Variants in MYLK observed in about 807,000 individuals in gnomAD.
MYLK encodes myosin light chain kinase.
A neutral mutation model predicts 203.4 loss-of-function variants in MYLK; 106 were observed. The ratio of observed to expected loss-of-function variants is 0.52; its 90% CI spans 0.45 to 0.61. The LOEUF (loss-of-function observed/expected upper bound fraction) is 0.61, where lower values mean the gene tolerates loss of function less well. MYLK is among the 20% of genes least tolerant of loss of function. MYLK has a pLI of 0.00. For missense variants in MYLK, 2,072 were observed against 2,442.3 expected (o/e 0.85, Z 3.20); for synonymous variants, 867 against 959.5 (o/e 0.90, Z 1.78).
chr3:123,852,929 A>G (rs369787433), intron 2 of MYLK, among the ~76,000 whole-genome samples: 2 of 152,276 alleles, frequency 1.3e-5, no homozygotes. Flanking sequence ...CCCATATTTG[A>G]CAACCTTTGA....
chr3:123,682,152 A>G, intron 20 of MYLK, 72 bp downstream of exon 20: 1 of 1,217,398 alleles, frequency 8.2e-7, no homozygotes, highest in South Asian at 1.3e-5. Context: ...GGGGGCTCTG[A>G]GGCTGCCCTC....
intron 3 of MYLK, among the ~76,000 whole-genome samples, chr3:123,822,322 A>C (rs2065965019): frequency 6.6e-6 from 1 of 152,158 alleles, no homozygotes; most frequent in African/African-American, 2.4e-5. Flanking sequence ...ACTCCTCATC[A>C]ATACAGAGAA....
At chr3:123,831,295 A>G in intron 3 of MYLK, 2 of 1,099,970 alleles carry the variant, frequency 1.8e-6, no homozygotes, top group Admixed American at 4.8e-5. Context: ...TTTCCTGGCT[A>G]GTTCCAATGA....
chr3:123,713,765 G>A (rs1366066562), intron 13 of MYLK, among the ~76,000 whole-genome samples: 13 of 152,068 alleles, frequency 8.5e-5, no homozygotes, highest in African/African-American at 1.4e-4. Context: ...TTCTTAACTC[G>A]TGGCCCTGGC....
Position 123,700,816 on chromosome 3 carries a change from C to T in MYLK, c.2652G>A (p.Glu884=), listed in dbSNP as rs1314650520. Residue 884 remains glutamate, a synonymous_variant, in exon 18 of 34, where the codon GAG becomes GAA. Transcript: ENST00000360304. ...KRRVETRQHT[E]EAIRQQEVEQ... ...CCACCTCCTGCTGGCGGATCGCCTC[C>T]TCAGTGTGCTGCCTCGTCTCCACGC... 3.8e-5 allele frequency: 62 copies of T among 1,614,066 alleles called. No individual in the cohort carries two copies. Among genetic ancestry groups the T allele is most frequent in the Admixed American group, 5.0e-5 (3 of 60,002 alleles).
intron 6 of MYLK, 130 bp from the exon 7 acceptor site, chr3:123,739,192 T>C (rs2062780384): frequency 9.6e-7 from 1 of 1,043,056 alleles, no homozygotes; most frequent in African/African-American, 1.6e-5. Flanking sequence ...ATTTTATGCC[T>C]CAGAAACTTT....
intron 31 of MYLK, chr3:123,622,085 G>A (rs2057898143): frequency 2.6e-5 from 4 of 152,248 alleles, no homozygotes; most frequent in Admixed American, 2.6e-4. Flanking sequence ...CCTGCCCTCA[G>A]GAACAGGTAA....
At chr3:123,680,468 T>A (rs185478144) in intron 20 of MYLK, among the ~76,000 whole-genome samples, 106 of 152,334 alleles carry the variant, frequency 7.0e-4, no homozygotes, top group Admixed American at 2.0e-3. Context: ...ATAGCACAGG[T>A]CCAAGGAATA....
chr3:123,863,822 T>C (rs1407900432), intron 2 of MYLK, among the ~76,000 whole-genome samples: 1 of 152,176 alleles, frequency 6.6e-6, no homozygotes, highest in Non-Finnish European at 1.5e-5. Flanking sequence ...TAGACTCATC[T>C]TATGACCTAG....
rs2057316837 is a variant in MYLK at position 123,613,849 on chromosome 3, G to T, written c.*256C>A. On this transcript the variant is annotated 3_prime_UTR_variant, in exon 34 of 34. Transcript: ENST00000360304. Reference sequence around the variant, plus strand: ...CTTTCTCTCTAAAATCAATTGGTCAGTCAAGTTACTGGTGATTTCCCTAAA... The same window carrying T: ...CTTTCTCTCTAAAATCAATTGGTCATTCAAGTTACTGGTGATTTCCCTAAA... 1 of 505,578 alleles carries T rather than the reference G, an allele frequency of 2.0e-6. No individual in the cohort carries two copies. Among genetic ancestry groups the T allele is most frequent in the South Asian group, 2.1e-5 (1 of 46,944 alleles). The allele number at this position is 505,578 out of a possible 1,614,324, so 31.3% of individuals were successfully genotyped here.
intron 4 of MYLK, among the ~76,000 whole-genome samples, chr3:123,774,319 G>A (rs879757200): frequency 6.6e-6 from 1 of 152,158 alleles, no homozygotes; most frequent in African/African-American, 2.4e-5. Context: ...TGCAGGGTCA[G>A]TGGAGACTGC....
At chr3:123,784,556 A>G (rs2064434916) in intron 4 of MYLK, among the ~76,000 whole-genome samples, 1 of 151,934 alleles carries the variant, frequency 6.6e-6, no homozygotes, top group African/African-American at 2.4e-5. Context: ...CTACCTTACC[A>G]TTCACCATCC....
At chr3:123,832,633 G>A (rs114767138) in intron 2 of MYLK, among the ~76,000 whole-genome samples, 153 of 152,322 alleles carry the variant, frequency 1.0e-3, no homozygotes, top group Admixed American at 1.8e-3. Flanking sequence ...TGGAGAATAG[G>A]ATCAGCAACC....
At position 123,612,186 on chromosome 3, in the gene MYLK, C is replaced by T. The variant is rs1325477084; in HGVS notation, c.*1919G>A. ...TCTGTTCCATAGCAAAACACAACCA[C>T]ATAAGCCAGTTCTTCACATCTAGGC... is the stretch of plus-strand genomic sequence containing the variant. On this transcript the variant is annotated 3_prime_UTR_variant, in exon 34 of 34. Coordinates refer to ENST00000360304, the MANE Select transcript of MYLK (RefSeq NM_053025.4). 1 of 152,664 alleles carries T rather than the reference C, an allele frequency of 6.6e-6. No homozygotes were observed. The highest frequency in any genetic ancestry group is 1.5e-5 in the Non-Finnish European group (1 of 68,052). 9.5% of individuals were successfully genotyped at this position (152,664 alleles called of 1,614,324 possible).
At chr3:123,879,933 C>T (rs1013728390) in intron 1 of MYLK, among the ~76,000 whole-genome samples, 2 of 152,162 alleles carry the variant, frequency 1.3e-5, no homozygotes, top group African/African-American at 4.8e-5. Flanking sequence ...GGATTACAGG[C>T]GTGAGCCACC....
chr3:123,649,038 G>A lies in MYLK; in HGVS notation c.4348C>T (p.Arg1450Trp), dbSNP rs143258617. 190 of 1,614,146 alleles carry A rather than the reference G, an allele frequency of 1.2e-4. 1 individual carries two copies. The Admixed American group carries it at 2.5e-3, about 21-fold the overall frequency. The change falls in exon 26 of 34, where the codon CGG becomes TGG. Residue 1450 changes from arginine (R) to tryptophan (W), a missense_variant. Physicochemically the swap from Arg to Trp is moderately radical, Grantham distance 101. Transcript: ENST00000360304. Reference protein sequence around the residue: ...DDEKEPEVDYRTVTINTEQKV... With the variant: ...DDEKEPEVDYWTVTINTEQKV... ...TGTTCAGTATTGATTGTCACTGTCC[G>A]GTAATCAACCTCGGGCTCCTTCTCA...
intron 5 of MYLK, among the ~76,000 whole-genome samples, chr3:123,751,786 G>A (rs1354598601): frequency 6.6e-6 from 1 of 152,166 alleles, no homozygotes; most frequent in East Asian, 1.9e-4. Flanking sequence ...GAGAGTCATA[G>A]GGCTGGGATG....
At chr3:123,739,814 A>G (rs2062803005) in intron 6 of MYLK, 139 bp downstream of exon 6, 1 of 923,552 alleles carries the variant, frequency 1.1e-6, no homozygotes. Flanking sequence ...TGTGTAAATG[A>G]CACATCTCAT....
At chr3:123,837,418 A>T (rs1012365841) in intron 2 of MYLK, among the ~76,000 whole-genome samples, 5 of 151,094 alleles carry the variant, frequency 3.3e-5, no homozygotes, top group Non-Finnish European at 5.9e-5. Flanking sequence ...TTCTAACCAG[A>T]GTTTTATCAA....
Sources: gnomAD v4.1 joint callset for allele counts (sites outside exome capture counted in the v4.1 genomes callset) on GRCh38, gnomAD v4.1.1 for gene constraint, MANE v1.5 for transcripts, NCBI Gene and HGNC (gene_info 2026-07-23, HGNC 2026-07-21) for gene names.